The following FRYL variants were observed in gnomAD, a reference collection of about 807,000 sequenced individuals.
FRYL encodes FRY like transcription coactivator, also known as protein furry homolog-like.
In FRYL, 150 loss-of-function variants were observed where a neutral mutation model predicts 351.2. The observed-to-expected ratio is 0.43, with a 90% CI of 0.37 to 0.49. The LOEUF is 0.49. Among genes scored for constraint, FRYL ranks in the 20% least tolerant of loss-of-function variants. FRYL has a pLI of 0.00. For synonymous variants in FRYL, 1,153 were observed against 1,257.1 expected (o/e 0.92, Z 1.75); for missense variants, 3,036 against 3,619.3 (o/e 0.84, Z 4.13).
At chr4:48,614,618 A>G (rs1748964939) in intron 7 of FRYL, among the ~76,000 whole-genome samples, 1 of 139,414 alleles carries the variant, frequency 7.2e-6, no homozygotes, top group African/African-American at 2.6e-5. Flanking sequence ...GCTTCTCGGG[A>G]GGCTGAGGCA....
intron 2 of FRYL, among the ~76,000 whole-genome samples, chr4:48,710,175 C>T (rs567124788): frequency 6.6e-6 from 1 of 152,256 alleles, no homozygotes; most frequent in Non-Finnish European, 1.5e-5. Context: ...TTTACAATTG[C>T]CAGGAAGTAG....
chr4:48,726,367 G>A (rs1427598557), intron 1 of FRYL, among the ~76,000 whole-genome samples: 1 of 152,216 alleles, frequency 6.6e-6, no homozygotes, highest in Non-Finnish European at 1.5e-5. Context: ...AATGAAATGT[G>A]AGGAGAAGTG....
chr4:48,573,240 T>A lies in FRYL; in HGVS notation c.2850A>T (p.Glu950Asp), dbSNP rs897540201. Residue 950 changes from glutamate to aspartate, a missense_variant, in exon 26 of 64, where the codon GAA becomes GAT. By Grantham distance (45) the Glu-to-Asp change is conservative. This residue lies in a region of FRYL where 492 missense variants were observed against 551.5 expected (regional missense o/e 0.89). Coordinates refer to ENST00000358350, the MANE Select transcript of FRYL (RefSeq NM_015030.2). ...TTATGGGATGTAATTCCTCTATTAG[T>A]TCCCTGGAAGAAAAATGGTACATAT... is the stretch of plus-strand genomic sequence containing the variant. ...LGRTNPGAFR[E>D]LIEELHPIIK... 8.1e-6 allele frequency: 13 copies of A among 1,604,926 alleles called. No homozygotes were observed. The highest frequency in any genetic ancestry group is 1.1e-5 in the Non-Finnish European group (13 of 1,171,796).
chr4:48,606,654 T>G (rs370301335), intron 9 of FRYL, 48 bp from the exon 10 acceptor site: 26 of 1,464,694 alleles, frequency 1.8e-5, no homozygotes, highest in Non-Finnish European at 2.1e-5. Context: ...AAAACACTAA[T>G]TTCCACATGA....
At chr4:48,590,391 T>C (rs1196847996) in intron 17 of FRYL, among the ~76,000 whole-genome samples, 1 of 151,950 alleles carries the variant, frequency 6.6e-6, no homozygotes, top group Admixed American at 6.6e-5. Flanking sequence ...GGCTGAGGCA[T>C]GAAAATCACT....
In FRYL at chr4:48,557,617, A is replaced by G; in HGVS notation, c.3961T>C (p.Leu1321=). ...CGCCTTGCTGTGGGGAGAGGTTTTA[A>G]GTCCACCAGCTCGATGTTGTTCATC... ...PWMNNIELVD[L]KPLPTARRHD... is the part of the protein sequence containing the mutation. Residue 1321 remains leucine, a synonymous_variant, in exon 34 of 64, where the codon TTA becomes CTA. Coordinates refer to ENST00000358350, the MANE Select transcript of FRYL (RefSeq NM_015030.2). The G allele has an allele frequency of 6.2e-7, 1 of 1,614,170 alleles. No individual in the cohort carries two copies.
chr4:48,635,850 A>G (rs1433739204), intron 3 of FRYL, among the ~76,000 whole-genome samples: 2 of 152,150 alleles, frequency 1.3e-5, no homozygotes, highest in Admixed American at 6.6e-5. Flanking sequence ...AGCAGAACAC[A>G]ATTACTTAAA....
At chr4:48,586,234 C>T (rs1234494960) in intron 19 of FRYL, among the ~76,000 whole-genome samples, 1 of 152,000 alleles carries the variant, frequency 6.6e-6, no homozygotes, top group Non-Finnish European at 1.5e-5. Flanking sequence ...ACCTGATTAC[C>T]ACTAGAGATA....
chr4:48,527,805 A>T (rs1281996852), intron 52 of FRYL, 152 bp from the exon 53 acceptor site: 8 of 971,826 alleles, frequency 8.2e-6, no homozygotes, highest in Admixed American at 2.6e-5. Context: ...TTGAACACAT[A>T]GTTAGCATGG....
chr4:48,687,297 G>C (rs1765231111), intron 2 of FRYL, among the ~76,000 whole-genome samples: 1 of 152,024 alleles, frequency 6.6e-6, no homozygotes, highest in South Asian at 2.1e-4. Flanking sequence ...AAACAAAAAA[G>C]TTCAAATAAA....
Position 48,551,269 on chromosome 4 carries a change from A to G in FRYL, c.4520+225T>C, listed in dbSNP as rs1426386381. Among the ~76,000 whole-genome samples, 4 of 152,220 alleles carry G rather than the reference A, an allele frequency of 2.6e-5. No individual in the cohort carries two copies. In the East Asian group the frequency reaches 7.7e-4, roughly 29 times the overall value. On this transcript the variant is annotated intron_variant, in intron 37 of 63. Coordinates refer to ENST00000358350, the MANE Select transcript of FRYL (RefSeq NM_015030.2). ...TAAGCAATACAAAAAGTGACTTACC[A>G]TATACCACCTATTTATACATTAGAG... is the stretch of plus-strand genomic sequence containing the variant.
At chr4:48,675,362 G>C (rs1270556472) in intron 3 of FRYL, among the ~76,000 whole-genome samples, 2 of 152,204 alleles carry the variant, frequency 1.3e-5, no homozygotes, top group Non-Finnish European at 2.9e-5. Flanking sequence ...AGCGGAAACC[G>C]GGGCTGCCTG....
intron 43 of FRYL, 94 bp from the exon 44 acceptor site, chr4:48,544,091 A>G (rs1260886994): frequency 1.9e-6 from 2 of 1,035,760 alleles, no homozygotes; most frequent in Non-Finnish European, 2.8e-6. Flanking sequence ...GCTAGCAGCT[A>G]GCACACTTCC....
chr4:48,590,461 C>T (rs1743012372), intron 17 of FRYL, among the ~76,000 whole-genome samples, 198 bp downstream of exon 17: 2 of 151,784 alleles, frequency 1.3e-5, no homozygotes, highest in South Asian at 4.2e-4. Flanking sequence ...CCAGCCTGGG[C>T]AACAAAGTGA....
intron 2 of FRYL, among the ~76,000 whole-genome samples, chr4:48,696,301 G>C (rs1766157792): frequency 6.6e-6 from 1 of 152,070 alleles, no homozygotes; most frequent in Non-Finnish European, 1.5e-5. Context: ...TGATAGACTG[G>C]ATAAAGAAAA....
chr4:48,634,555 A>T, intron 3 of FRYL, 65 bp from the exon 4 acceptor site: 2 of 1,253,984 alleles, frequency 1.6e-6, no homozygotes, highest in Non-Finnish European at 2.2e-6. Context: ...TACCATAACT[A>T]CCCTATTTAA....
rs189533285 is a variant in FRYL at position 48,747,190 on chromosome 4, A to G, written c.-384+32888T>C. 2.0e-3 allele frequency among the ~76,000 whole-genome samples: 301 copies of G among 148,524 alleles called. 5 individuals carry two copies. Among genetic ancestry groups the G allele is most frequent in the Middle Eastern group, 0.01 (3 of 288 alleles). ...CCCCCCAAAAAAAGATTCCAGGAAG[A>G]GAAGTAACAACATTCTTGCATTTGT... On this transcript the variant is annotated intron_variant, in intron 1 of 63. Coordinates refer to ENST00000358350, the MANE Select transcript of FRYL (RefSeq NM_015030.2).
chr4:48,730,716 C>G (rs1417371693), intron 1 of FRYL, among the ~76,000 whole-genome samples: 1 of 152,204 alleles, frequency 6.6e-6, no homozygotes, highest in Non-Finnish European at 1.5e-5. Flanking sequence ...TGCCTTACAA[C>G]AGCTCCTGAA....
At position 48,594,028 on chromosome 4, in the gene FRYL, A is replaced by G. The variant is rs1744083301; in HGVS notation, c.1249-12T>C. 1.4e-6 allele frequency: 2 copies of G among 1,383,216 alleles called. No homozygotes were observed. The highest frequency in any genetic ancestry group is 9.7e-7 in the Non-Finnish European group (1 of 1,031,708). 85.7% of individuals were successfully genotyped at this position (1,383,216 alleles called of 1,614,324 possible). A position where few individuals can be genotyped will look rare whatever the true frequency, so the allele number is the denominator to read the frequency against. On this transcript the variant is annotated splice_polypyrimidine_tract_variant and intron_variant, in intron 15 of 63. Coordinates refer to ENST00000358350, the MANE Select transcript of FRYL (RefSeq NM_015030.2). The stretch of plus-strand genomic sequence containing the variant: ...AAATCCAAGCGTTCCTTAAAAAAAA[A>G]AAAATCCTTATAACTTGCTACTATG...
Sources: gnomAD v4.1 joint callset for allele counts (sites outside exome capture counted in the v4.1 genomes callset) on GRCh38, gnomAD v4.1.1 for gene constraint, gnomAD v4.1.1 regional missense constraint, MANE v1.5 for transcripts, NCBI Gene and HGNC (gene_info 2026-07-23, HGNC 2026-07-21) for gene names.